Variants in PDS5A observed in about 807,000 individuals in gnomAD.
PDS5A encodes the protein sister chromatid cohesion protein PDS5 homolog A.
In PDS5A, 42 loss-of-function variants were observed where a neutral mutation model predicts 167.1. The ratio of observed to expected loss-of-function variants is 0.25; its 90% CI spans 0.20 to 0.33. The LOEUF (loss-of-function observed/expected upper bound fraction) is 0.33. Among genes scored for constraint, PDS5A ranks in the 10% least tolerant of loss-of-function variants. PDS5A has a pLI of 1.00. For missense variants in PDS5A, 1,033 were observed against 1,605.9 expected (o/e 0.64, Z 6.10); for synonymous variants, 553 against 554.6 (o/e 1.00, Z 0.04).
intron 4 of PDS5A, 68 bp from the exon 5 acceptor site, chr4:39,926,001 G>T: frequency 2.2e-6 from 1 of 447,590 alleles, no homozygotes; most frequent in Non-Finnish European, 3.7e-6. Context: ...AAAAAACTCA[G>T]TAAAAAATTA....
intron 32 of PDS5A, among the ~76,000 whole-genome samples, chr4:39,825,855 G>A (rs1578552537): frequency 6.6e-6 from 1 of 152,056 alleles, no homozygotes; most frequent in African/African-American, 2.4e-5. Flanking sequence ...GGAAGCCTGC[G>A]CTTCTCAGAT....
At chr4:39,970,022 G>C (rs983542107) in intron 2 of PDS5A, among the ~76,000 whole-genome samples, 5 of 150,016 alleles carry the variant, frequency 3.3e-5, no homozygotes, top group Non-Finnish European at 5.9e-5. Flanking sequence ...GCAGTGATGT[G>C]ATCTCGGCTC....
chr4:39,948,607 G>C (rs971753910), intron 2 of PDS5A, among the ~76,000 whole-genome samples: 1 of 147,012 alleles, frequency 6.8e-6, no homozygotes, highest in South Asian at 2.2e-4. Flanking sequence ...ACACGTGTGA[G>C]CTACCACGCC....
chr4:39,831,882 A>C (rs1715919041), intron 32 of PDS5A, among the ~76,000 whole-genome samples: 1 of 142,444 alleles, frequency 7.0e-6, no homozygotes, highest in African/African-American at 2.7e-5. Flanking sequence ...TCTCAAAAAA[A>C]AAAAAAAAAA....
At chr4:39,826,086 G>T (rs531128397) in intron 32 of PDS5A, among the ~76,000 whole-genome samples, 1 of 151,998 alleles carries the variant, frequency 6.6e-6, no homozygotes, top group East Asian at 1.9e-4. Flanking sequence ...TCATACTATG[G>T]CAAAATGAAT....
At chr4:39,832,488 T>A (rs1030727259) in intron 32 of PDS5A, among the ~76,000 whole-genome samples, 2 of 152,050 alleles carry the variant, frequency 1.3e-5, no homozygotes, top group African/African-American at 4.8e-5. Flanking sequence ...ATTATAGGCA[T>A]GAGCCACCGT....
intron 2 of PDS5A, among the ~76,000 whole-genome samples, chr4:39,961,170 C>G (rs1053141307): frequency 6.6e-6 from 1 of 152,114 alleles, no homozygotes; most frequent in Non-Finnish European, 1.5e-5. Context: ...TATATTGTAA[C>G]GAACTGTAGA....
Position 39,863,020 on chromosome 4 carries a change from A to G in PDS5A, c.2820T>C (p.Leu940=), listed in dbSNP as rs1185635859. 1 of 1,613,708 alleles carries G rather than the reference A, an allele frequency of 6.2e-7. No homozygotes were observed. The highest frequency in any genetic ancestry group is 1.3e-5 in the African/African-American group (1 of 74,926). ...ACTCCAATGGGAGCAGTAACTTCAC[A>G]AGTGCCTTATGCAGCTTCTGAGCAA... ...QIFAQKLHKA[L]VKLLLPLEYM... is the part of the protein sequence containing the mutation. Residue 940 remains leucine, a synonymous_variant, in exon 25 of 33, where the codon CTT becomes CTC. Coordinates refer to ENST00000303538, the MANE Select transcript of PDS5A (RefSeq NM_001100399.2).
intron 2 of PDS5A, chr4:39,974,077 G>T: frequency 5.7e-6 from 3 of 524,296 alleles, no homozygotes; most frequent in African/African-American, 5.7e-5. Context: ...AGTGAGCCGA[G>T]ATCGCACCCA....
chr4:39,842,136 C>T, intron 30 of PDS5A, 80 bp from the exon 31 acceptor site: 2 of 892,034 alleles, frequency 2.2e-6, no homozygotes, highest in Middle Eastern at 2.2e-4. Context: ...TAAAGAAAGG[C>T]TTAGGCTGGT....
chr4:39,902,426 C>A lies in PDS5A; in HGVS notation c.1420G>T (p.Val474Phe). ...LVEKIFAQYL[V>F]PHNLETEERM... ...TCTTCTGTTTCCAGGTTGTGGGGGA[C>A]AAGATACTGAGCAAAGATTTTCTCT... The change falls in exon 13 of 33, where the codon GTC (valine) becomes TTC (phenylalanine). Residue 474 changes from valine to phenylalanine, a missense_variant. Around this residue, in one of 4 missense-constraint regions of PDS5A, gnomAD observed 388 missense variants for 615.1 expected, o/e 0.63. Coordinates refer to ENST00000303538, the MANE Select transcript of PDS5A (RefSeq NM_001100399.2). The A allele has an allele frequency of 6.3e-7, 1 of 1,581,910 alleles. No homozygotes were observed. Among genetic ancestry groups the A allele is most frequent in the Admixed American group, 1.7e-5 (1 of 57,848 alleles).
chr4:39,865,356 T>A (rs1443338413), intron 23 of PDS5A, among the ~76,000 whole-genome samples: 1 of 152,150 alleles, frequency 6.6e-6, no homozygotes, highest in Non-Finnish European at 1.5e-5. Context: ...TATCCCTAAC[T>A]CAGCTCTAAA....
intron 17 of PDS5A, among the ~76,000 whole-genome samples, chr4:39,888,467 T>A (rs966145430): frequency 6.6e-6 from 1 of 151,862 alleles, no homozygotes; most frequent in African/African-American, 2.4e-5. Context: ...AAAAAGGAAA[T>A]TAATATATTG....
At chr4:39,923,600 C>A (rs550049096) in intron 5 of PDS5A, among the ~76,000 whole-genome samples, 1 of 146,546 alleles carries the variant, frequency 6.8e-6, no homozygotes, top group South Asian at 2.2e-4. Context: ...CGTGCCACTG[C>A]ACTCCAGCCT....
rs1364917209 is a variant in PDS5A, at chr4:39,913,681, T to C, written c.922A>G (p.Lys308Glu). ...ERLAVVRLLA[K>E]LFGSKDSDLA... ...TCAGAATCTTTGGAGCCAAACAATTTAGCTAGAAGTCGAACAACAGCTAAT... is the reference window on the plus strand; with the variant it reads ...TCAGAATCTTTGGAGCCAAACAATTCAGCTAGAAGTCGAACAACAGCTAAT... Residue 308 changes from lysine (K) to glutamate (E), a missense_variant, in exon 9 of 33, where the codon AAA (lysine) becomes GAA (glutamate). Physicochemically the swap from Lys to Glu is moderately conservative, Grantham distance 56 (BLOSUM62 1). Coordinates refer to ENST00000303538, the MANE Select transcript of PDS5A (RefSeq NM_001100399.2). The C allele has an allele frequency of 6.2e-7, 1 of 1,612,114 alleles. No individual in the cohort carries two copies. The highest frequency in any genetic ancestry group is 8.5e-7 in the Non-Finnish European group (1 of 1,178,194).
rs1328043109 is a variant in PDS5A at position 39,977,722 on chromosome 4, C to T, written c.-306G>A. On this transcript the variant is annotated 5_prime_UTR_variant, in exon 1 of 33. Transcript: ENST00000303538. This position sits in a 1 kb window ranked among gnomAD's most constrained non-coding sequence, Gnocchi z 4.2. ...CCGAGGAAGAGCAGCCTCGAAGGCT[C>T]CTCCGGGAGTGTGTGCGCTTGTGTC... 2.0e-5 allele frequency: 3 copies of T among 149,716 alleles called. No homozygotes were observed. The highest frequency in any genetic ancestry group is 1.9e-4 in the East Asian group (1 of 5,138). The allele number at this position is 149,716 out of a possible 1,614,324, so 9.3% of individuals were successfully genotyped here. A position where few individuals can be genotyped will look rare whatever the true frequency, so the allele number is the denominator to read the frequency against.
chr4:39,826,995 G>A (rs1715382826), intron 32 of PDS5A, among the ~76,000 whole-genome samples: 1 of 151,904 alleles, frequency 6.6e-6, no homozygotes. Context: ...TTAACAATAT[G>A]CTATTAAAGA....
At chr4:39,902,689 A>C (rs1722984105) in intron 12 of PDS5A, among the ~76,000 whole-genome samples, 2 of 151,936 alleles carry the variant, frequency 1.3e-5, no homozygotes, top group Non-Finnish European at 2.9e-5. Flanking sequence ...TGCCCAGCTA[A>C]TTTTTATATT....
chr4:39,869,899 G>A (rs1217299260), intron 21 of PDS5A, among the ~76,000 whole-genome samples: 2 of 152,148 alleles, frequency 1.3e-5, no homozygotes, highest in African/African-American at 4.8e-5. Context: ...TTGAGGTCAG[G>A]AGTTTGAGAC....
Sources: gnomAD v4.1 joint callset for allele counts (sites outside exome capture counted in the v4.1 genomes callset) on GRCh38, gnomAD v4.1.1 for gene constraint, gnomAD v4.1.1 regional missense constraint, Gnocchi (gnomAD v3.1) non-coding constraint, MANE v1.5 for transcripts, NCBI Gene and HGNC (gene_info 2026-07-23, HGNC 2026-07-21) for gene names.